ZHX2: variants seen among roughly 807,000 people sequenced by gnomAD.
ZHX2 encodes zinc fingers and homeoboxes 2, also known as zinc fingers and homeoboxes protein 2.
ZHX2 carries 6 observed loss-of-function variants against 21.9 expected under a neutral mutation model. The ratio of observed to expected loss-of-function variants is 0.27; its 90% CI spans 0.15 to 0.54. The LOEUF (loss-of-function observed/expected upper bound fraction) is 0.54. Ranked by LOEUF, ZHX2 falls within the 20% of genes least tolerant of loss-of-function variation. The probability of loss-of-function intolerance (pLI) is 0.95; values close to 1 mark genes in which losing one functional copy is unlikely to be tolerated. For missense variants in ZHX2, 908 were observed against 1,090.7 expected, an observed-to-expected ratio of 0.83 and a Z score of 2.36; for synonymous variants, 434 against 437.1, an observed-to-expected ratio of 0.99 and a Z score of 0.09.
chr8:122,970,403 G>C (rs539570081), intron 3 of ZHX2, among the ~76,000 whole-genome samples: 16 of 152,334 alleles, frequency 1.1e-4, no homozygotes, highest in African/African-American at 3.6e-4. Context: ...GAGCGGATGG[G>C]GGGGTCAGCC....
intron 1 of ZHX2, among the ~76,000 whole-genome samples, chr8:122,789,389 C>G (rs1316805571): frequency 6.6e-6 from 1 of 152,244 alleles, no homozygotes; most frequent in Admixed American, 6.5e-5. Context: ...ACCCCACCAG[C>G]CCCTGGGTGT....
intron 2 of ZHX2, among the ~76,000 whole-genome samples, chr8:122,864,566 A>T (rs1819240701): frequency 1.3e-5 from 2 of 151,984 alleles, no homozygotes; most frequent in South Asian, 4.2e-4. Context: ...TCATCAAGGG[A>T]CTCGGCCCAA....
intron 2 of ZHX2, among the ~76,000 whole-genome samples, chr8:122,866,989 A>ATT (rs11339473): frequency 4.2e-4 from 61 of 143,534 alleles, no homozygotes; most frequent in East Asian, 1.0e-3. Context: ...CATGCCAGCT[A>ATT]TTTTTTTTTT....
chr8:122,957,668 A>G (rs1813343748), intron 3 of ZHX2, among the ~76,000 whole-genome samples: 1 of 151,978 alleles, frequency 6.6e-6, no homozygotes, highest in African/African-American at 2.4e-5. Flanking sequence ...GTGGGGTTTC[A>G]CCATGTTGGC....
intron 1 of ZHX2, among the ~76,000 whole-genome samples, chr8:122,819,031 C>T (rs1278371770): frequency 2.0e-5 from 3 of 152,170 alleles, no homozygotes; most frequent in African/African-American, 7.2e-5. Context: ...GTTCTAGATG[C>T]TCAGGGGAGA....
chr8:122,837,991 G>A (rs929671867), intron 1 of ZHX2, among the ~76,000 whole-genome samples: 2 of 152,166 alleles, frequency 1.3e-5, no homozygotes, highest in Non-Finnish European at 1.5e-5. Context: ...GAGGCCACCC[G>A]CTTAGGGGAG....
intron 1 of ZHX2, among the ~76,000 whole-genome samples, chr8:122,785,911 T>TG (rs1227036698): frequency 2.0e-5 from 3 of 152,136 alleles, no homozygotes; most frequent in African/African-American, 7.2e-5. Flanking sequence ...GTCACGTGTT[T>TG]GGGGAAGGGA....
At chr8:122,910,463 C>T (rs532131272) in intron 2 of ZHX2, among the ~76,000 whole-genome samples, 9 of 152,110 alleles carry the variant, frequency 5.9e-5, no homozygotes, top group African/African-American at 9.7e-5. Flanking sequence ...ATGATGTATC[C>T]GTGAGTTGTG....
intron 1 of ZHX2, among the ~76,000 whole-genome samples, chr8:122,791,866 TAA>T (rs5894644): frequency 5.9e-5 from 8 of 135,004 alleles, no homozygotes; most frequent in African/African-American, 8.2e-5. Flanking sequence ...CTCCATCTCA[TAA>T]AAAAAAAAAA....
chr8:122,857,951 G>A (rs1250174312), intron 1 of ZHX2, among the ~76,000 whole-genome samples: 3 of 152,188 alleles, frequency 2.0e-5, no homozygotes, highest in Non-Finnish European at 4.4e-5. Flanking sequence ...TGACATATGC[G>A]TTTTATTCCA....
intron 3 of ZHX2, among the ~76,000 whole-genome samples, chr8:122,959,498 C>A (rs972914182): frequency 1.3e-5 from 2 of 152,176 alleles, no homozygotes; most frequent in African/African-American, 4.8e-5. Flanking sequence ...CCGGCAGGGA[C>A]CATATATCAT....
At chr8:122,963,752 T>C (rs1362193046) in intron 3 of ZHX2, among the ~76,000 whole-genome samples, 2 of 152,336 alleles carry the variant, frequency 1.3e-5, no homozygotes, top group African/African-American at 4.8e-5. Context: ...TACCCATCCA[T>C]GAGCATGGGA....
intron 1 of ZHX2, among the ~76,000 whole-genome samples, chr8:122,802,832 G>T (rs891326202): frequency 6.6e-6 from 1 of 152,162 alleles, no homozygotes; most frequent in African/African-American, 2.4e-5. Flanking sequence ...CTGGGATACT[G>T]TGTTTATTTA....
At chr8:122,803,164 C>T (rs1018763895) in intron 1 of ZHX2, among the ~76,000 whole-genome samples, 2 of 152,138 alleles carry the variant, frequency 1.3e-5, no homozygotes, top group African/African-American at 2.4e-5. Context: ...GCAAAGCAAA[C>T]GCAGCCAGAT....
At chr8:122,783,416 G>C (rs1433956819) in intron 1 of ZHX2, among the ~76,000 whole-genome samples, 1 of 152,086 alleles carries the variant, frequency 6.6e-6, no homozygotes, top group Non-Finnish European at 1.5e-5. Context: ...GAGCAGAATG[G>C]AGTTAGAGGA....
At chr8:122,883,862 C>T (rs1020310775) in intron 2 of ZHX2, among the ~76,000 whole-genome samples, 2 of 152,164 alleles carry the variant, frequency 1.3e-5, no homozygotes, top group Admixed American at 6.5e-5. Flanking sequence ...TAATGCATGA[C>T]GTAAATTGAG....
chr8:122,918,946 C>CAAAA (rs79202862), intron 2 of ZHX2, among the ~76,000 whole-genome samples: 1 of 74,196 alleles, frequency 1.3e-5, no homozygotes. Flanking sequence ...GACTCCACCT[C>CAAAA]AAAAAAAAAA....
chr8:122,939,271 G>A (rs545580280), intron 2 of ZHX2, among the ~76,000 whole-genome samples: 13 of 152,314 alleles, frequency 8.5e-5, no homozygotes, highest in Admixed American at 2.0e-4. Context: ...TCTCTCACCC[G>A]TGGCGTGGAA....
chr8:122,866,924 G>A (rs573957224), intron 2 of ZHX2, among the ~76,000 whole-genome samples: 1 of 151,996 alleles, frequency 6.6e-6, no homozygotes, highest in African/African-American at 2.4e-5. Flanking sequence ...TCCTGGGCTT[G>A]AACAATTCTC....
Sources: gnomAD v4.1 joint callset for allele counts (sites outside exome capture counted in the v4.1 genomes callset) on GRCh38, gnomAD v4.1.1 for gene constraint, MANE v1.5 for transcripts, NCBI Gene and HGNC (gene_info 2026-07-23, HGNC 2026-07-21) for gene names.